MOV10: variants seen among roughly 807,000 people sequenced by gnomAD.
MOV10 encodes the protein Mov10 RNA helicase.
A neutral mutation model predicts 108.4 loss-of-function variants in MOV10; 39 were observed. That is an observed-to-expected ratio of 0.36 (90% CI 0.28 to 0.47). The LOEUF (loss-of-function observed/expected upper bound fraction) is 0.47. Ranked by LOEUF, MOV10 falls within the 20% of genes least tolerant of loss-of-function variation. The pLI is 1.00. For missense variants in MOV10, 952 were observed against 1,297.6 expected, an observed-to-expected ratio of 0.73 and a Z score of 4.09; for synonymous variants, 490 against 523.1, an observed-to-expected ratio of 0.94 and a Z score of 0.86.
chr1:112,674,826 T>A, intron 1 of MOV10, 22 bp from the exon 2 acceptor site: 1 of 1,411,236 alleles, frequency 7.1e-7, no homozygotes, highest in Non-Finnish European at 9.5e-7. Context: ...TGCACCCTCA[T>A]CTCAGGGCCG....
chr1:112,700,265 T>C lies in MOV10; in HGVS notation c.2845T>C (p.Phe949Leu). ...KENGGYTGCP[F>L]PAKLDLQQGQ... ...AAACGGAGGGTATACCGGGTGTCCC[T>C]TCCCTGCCAAACTGGACCTGCAACA... Residue 949 changes from phenylalanine (F) to leucine (L), a missense_variant, in exon 20 of 21, where the codon TTC (phenylalanine) becomes CTC (leucine). Coordinates refer to ENST00000369645, the MANE Select transcript of MOV10 (RefSeq NM_001321324.2). 1 of 1,614,162 alleles carries C rather than the reference T, an allele frequency of 6.2e-7. No homozygotes were observed. The highest frequency in any genetic ancestry group is 8.5e-7 in the Non-Finnish European group (1 of 1,180,004).
intron 6 of MOV10, 21 bp from the exon 7 acceptor site, chr1:112,692,740 C>A: frequency 6.2e-7 from 1 of 1,612,810 alleles, no homozygotes; most frequent in Non-Finnish European, 8.5e-7. Flanking sequence ...CCCACTCACC[C>A]CTCCCAACCA....
rs1407837312 is a variant in MOV10 at position 112,694,188 on chromosome 1, A to T, written c.1295+16A>T. Reference sequence around the variant, plus strand: ...TTTCCATGAGGTGGGTGTTGGGGGAACCCTGAGCTGCTGGAAGGGTCTACA... The same window carrying T: ...TTTCCATGAGGTGGGTGTTGGGGGATCCCTGAGCTGCTGGAAGGGTCTACA... On this transcript the variant is annotated intron_variant, in intron 8 of 20. Transcript: ENST00000369645. The surrounding 1 kb of genome is among the most constrained non-coding windows in gnomAD (Gnocchi z 4.1). The T allele has an allele frequency of 6.2e-7, 1 of 1,613,792 alleles. No homozygotes were observed. Among genetic ancestry groups the T allele is most frequent in the Non-Finnish European group, 8.5e-7 (1 of 1,179,898 alleles).
rs892189705 is a variant in MOV10 at position 112,690,209 on chromosome 1, T to C, written c.836+111T>C. On this transcript the variant is annotated intron_variant, in intron 5 of 20. Transcript: ENST00000369645. ...GCCAGAGCCCTTTTCCTACAGGCTC[T>C]TCACTCTTCTGGGTCTCAGAGAATT... 110 of 1,345,598 alleles carry C rather than the reference T, an allele frequency of 8.2e-5. No homozygotes were observed. In the Middle Eastern group the frequency reaches 1.1e-3, roughly 13 times the overall value. The allele number at this position is 1,345,598 out of a possible 1,614,324, so 83.4% of individuals were successfully genotyped here. A position where few individuals can be genotyped will look rare whatever the true frequency, so the allele number is the denominator to read the frequency against.
chr1:112,693,465 C>T (rs902289), intron 7 of MOV10, among the ~76,000 whole-genome samples: 77,138 of 151,908 alleles, frequency 0.51, 20,005 homozygotes, highest in South Asian at 0.66. Context: ...TAATCCCCGC[C>T]GCCCGGGCTC....
At chr1:112,676,467 G>A (rs747999601) in intron 2 of MOV10, among the ~76,000 whole-genome samples, 4 of 152,214 alleles carry the variant, frequency 2.6e-5, no homozygotes, top group African/African-American at 4.8e-5. Context: ...GGTTAAAACA[G>A]TAAGGCTGAC....
At chr1:112,689,739 T>C in intron 4 of MOV10, 89 bp downstream of exon 4, 1 of 1,580,376 alleles carries the variant, frequency 6.3e-7, no homozygotes, top group South Asian at 1.1e-5. Context: ...TCACTGTCCA[T>C]GGGACTCTTG....
At chr1:112,700,056 G>T in intron 19 of MOV10, 74 bp downstream of exon 19, 1 of 1,589,810 alleles carries the variant, frequency 6.3e-7, no homozygotes, top group East Asian at 2.2e-5. Context: ...TTTTTTAAGC[G>T]CTTGCTTATC....
At position 112,675,147 on chromosome 1, in the gene MOV10, A is replaced by G. The variant is rs534613828; in HGVS notation, c.137+98A>G. On this transcript the variant is annotated intron_variant, in intron 2 of 20. Transcript: ENST00000369645. This position sits in a 1 kb window ranked among gnomAD's most constrained non-coding sequence, Gnocchi z 4.7. ...CTTTCCCGCCCCGGGGCGCAGAGGG[A>G]CGCAGCTCCCCCAGCGGCTCAGGCC... is the stretch of plus-strand genomic sequence containing the variant. The G allele has an allele frequency of 3.5e-6, 5 of 1,422,100 alleles. No individual in the cohort carries two copies. In the African/African-American group the frequency reaches 7.5e-5, roughly 21 times the overall value. 88.1% of individuals were successfully genotyped at this position (1,422,100 alleles called of 1,614,324 possible).
chr1:112,699,479 C>T, intron 17 of MOV10: 1 of 1,422,658 alleles, frequency 7.0e-7, no homozygotes, highest in South Asian at 1.5e-5. Flanking sequence ...GGCCCCAGCC[C>T]TCAGCAGGAT....
At position 112,692,663 on chromosome 1, in the gene MOV10, G is replaced by A. The variant is rs887359269; in HGVS notation, c.972-98G>A. 6.1e-6 allele frequency: 9 copies of A among 1,477,998 alleles called. No homozygotes were observed. In the African/African-American group the frequency reaches 1.3e-4, roughly 21 times the overall value. The allele number at this position is 1,477,998 out of a possible 1,614,324, so 91.6% of individuals were successfully genotyped here. A position where few individuals can be genotyped will look rare whatever the true frequency, so the allele number is the denominator to read the frequency against. On this transcript the variant is annotated intron_variant, in intron 6 of 20. Coordinates refer to ENST00000369645, the MANE Select transcript of MOV10 (RefSeq NM_001321324.2). The stretch of plus-strand genomic sequence containing the variant: ...TCTCTGCTTTTTGACGCTAGTTCCA[G>A]AGCTTCAGGTGGGAGAAGGTGGATA...
At position 112,698,807 on chromosome 1, in the gene MOV10, A is replaced by T; in HGVS notation, c.2583+18A>T. ...ACTTGAAGGTGACATGCTGTTCCAC[A>T]GTCACTCCCTGCCTTCCGTGTGCCC... On this transcript the variant is annotated intron_variant, in intron 17 of 20. Coordinates refer to ENST00000369645, the MANE Select transcript of MOV10 (RefSeq NM_001321324.2). 6.2e-7 allele frequency: 1 copy of T among 1,607,470 alleles called. No individual in the cohort carries two copies.
Position 112,689,674 on chromosome 1 carries a change from A to G in MOV10, c.577+24A>G, listed in dbSNP as rs1252163326. The G allele has an allele frequency of 1.9e-6, 3 of 1,609,620 alleles. No homozygotes were observed. In the East Asian group the frequency reaches 6.7e-5, roughly 36 times the overall value. On this transcript the variant is annotated intron_variant, in intron 4 of 20. Transcript: ENST00000369645. ...CGGTGAGTGAGTTTCCAAAGGAAAG[A>G]GCTGGTGGACAGGGGCTTGTCCCAG...
At chr1:112,696,414 C>G (rs750489646) in intron 12 of MOV10, 23 bp from the exon 13 acceptor site, 1 of 1,589,598 alleles carries the variant, frequency 6.3e-7, no homozygotes, top group Non-Finnish European at 8.6e-7. Flanking sequence ...GATATGACCC[C>G]TGCCTGGCCT....
In MOV10 at chr1:112,674,840, A is replaced by G. The variant is rs1672051034; in HGVS notation, c.-65-8A>G. 6.8e-7 allele frequency: 1 copy of G among 1,475,700 alleles called. No homozygotes were observed. The highest frequency in any genetic ancestry group is 2.7e-5 in the East Asian group (1 of 37,198). 91.4% of individuals were successfully genotyped at this position (1,475,700 alleles called of 1,614,324 possible). On this transcript the variant is annotated splice_region_variant and splice_polypyrimidine_tract_variant and intron_variant, in intron 1 of 20. Coordinates refer to ENST00000369645, the MANE Select transcript of MOV10 (RefSeq NM_001321324.2). ...CTGCACCCTCATCTCAGGGCCGCCAACTTCCAGCTGCAGCGGCGACTTTCA... is the reference window on the plus strand; with the variant it reads ...CTGCACCCTCATCTCAGGGCCGCCAGCTTCCAGCTGCAGCGGCGACTTTCA...
chr1:112,694,765 C>G lies in MOV10; in HGVS notation c.1489C>G (p.Leu497Val). Residue 497 changes from leucine to valine, a missense_variant, in exon 10 of 21, where the codon CTG becomes GTG. Physicochemically the swap from Leu to Val is conservative, Grantham distance 32 (BLOSUM62 1). Coordinates refer to ENST00000369645, the MANE Select transcript of MOV10 (RefSeq NM_001321324.2). This position sits in a 1 kb window ranked among gnomAD's most constrained non-coding sequence, Gnocchi z 4.1. Reference sequence around the variant, plus strand: ...CTCTGCCAGGCTGTACGACCGGAGTCTGGAGTCAAACCCAGAGCAGCTGCA... The same window carrying G: ...CTCTGCCAGGCTGTACGACCGGAGTGTGGAGTCAAACCCAGAGCAGCTGCA... ...DVKLKLYDRS[L>V]ESNPEQLQAM... 1 of 1,614,088 alleles carries G rather than the reference C, an allele frequency of 6.2e-7. No homozygotes were observed. Among genetic ancestry groups the G allele is most frequent in the East Asian group, 2.2e-5 (1 of 44,886 alleles).
chr1:112,689,679 G>A, intron 4 of MOV10, 29 bp downstream of exon 4: 7 of 1,607,506 alleles, frequency 4.4e-6, no homozygotes, highest in Non-Finnish European at 6.0e-6. Flanking sequence ...GAAAGAGCTG[G>A]TGGACAGGGG....
intron 2 of MOV10, among the ~76,000 whole-genome samples, chr1:112,683,962 A>AT (rs2101299185): frequency 6.6e-6 from 1 of 151,624 alleles, no homozygotes; most frequent in South Asian, 2.1e-4. Flanking sequence ...ATTTTATTTT[A>AT]TTTTTTGAGT....
intron 19 of MOV10, 22 bp from the exon 20 acceptor site, chr1:112,700,197 G>T (rs760601552): frequency 6.2e-7 from 1 of 1,613,846 alleles, no homozygotes; most frequent in East Asian, 2.2e-5. Context: ...AGTCTCTGCT[G>T]GCACTCCTCT....
Sources: allele counts gnomAD v4.1 joint callset (sites outside exome capture counted in the v4.1 genomes callset), GRCh38; gene constraint gnomAD v4.1.1; non-coding constraint Gnocchi (gnomAD v3.1); transcripts MANE v1.5; gene names NCBI Gene and HGNC (gene_info 2026-07-23, HGNC 2026-07-21).